The following NAE1 variants were observed in gnomAD, a reference collection of about 807,000 sequenced individuals.
NAE1 encodes NEDD8 activating enzyme E1 subunit 1, also known as NEDD8-activating enzyme E1 regulatory subunit.
Under a neutral mutation model 88.0 loss-of-function variants are expected in NAE1, and 59 were observed. The ratio of observed to expected loss-of-function variants is 0.67; its 90% CI spans 0.54 to 0.83. The LOEUF (loss-of-function observed/expected upper bound fraction) is 0.83, where lower values mean the gene tolerates loss of function less well. NAE1 is among the 40% of genes least tolerant of loss of function. NAE1 has a pLI of 0.00. For synonymous variants in NAE1, 186 were observed against 208.9 expected (o/e 0.89, Z 0.95); for missense variants, 554 against 632.8 (o/e 0.88, Z 1.34).
At chr16:66,829,710 T>C (rs1960614703) in intron 1 of NAE1, among the ~76,000 whole-genome samples, 1 of 152,056 alleles carries the variant, frequency 6.6e-6, no homozygotes, top group Non-Finnish European at 1.5e-5. Flanking sequence ...AAATAAGGAA[T>C]GGGTAGTGCA....
In NAE1 at chr16:66,813,605, A is replaced by C; in HGVS notation, c.993T>G (p.Asp331Glu). Residue 331 changes from aspartate (D) to glutamate (E), a missense_variant, in exon 13 of 20, where the codon GAT becomes GAG. Asp to Glu is a conservative substitution (Grantham distance 45). Transcript: ENST00000290810. ...TATATTTGCCTGAATCTGCAATCATATCAGGAATTGTGCCTCGAACAGGTA... is the reference window on the plus strand; with the variant it reads ...TATATTTGCCTGAATCTGCAATCATCTCAGGAATTGTGCCTCGAACAGGTA... Reference protein sequence around the residue: ...GNLPVRGTIPDMIADSGKYIK... With the variant: ...GNLPVRGTIPEMIADSGKYIK... 6.2e-7 allele frequency: 1 copy of C among 1,613,976 alleles called. No homozygotes were observed.
At chr16:66,808,412 T>C (rs2145313963) in intron 17 of NAE1, 109 bp downstream of exon 17, 1 of 807,984 alleles carries the variant, frequency 1.2e-6, no homozygotes, top group Non-Finnish European at 2.0e-6. Flanking sequence ...GTAATCTGTT[T>C]ACAATGTGAA....
In NAE1 at chr16:66,823,220, A is replaced by G; in HGVS notation, c.401+7T>C. ...TAAAATAAAAACATATTAACATAAA[A>G]ATTTACCTTTCAGGAAGCTGAGTTG... is the stretch of plus-strand genomic sequence containing the variant. On this transcript the variant is annotated splice_region_variant and intron_variant, in intron 6 of 19. Transcript: ENST00000290810. 6.5e-7 allele frequency: 1 copy of G among 1,540,422 alleles called. No homozygotes were observed. Among genetic ancestry groups the G allele is most frequent in the Non-Finnish European group, 8.8e-7 (1 of 1,131,556 alleles).
Position 66,818,639 on chromosome 16 carries a change from T to C in NAE1, c.512-2A>G. On this transcript the variant is annotated splice_acceptor_variant, in intron 7 of 19. Transcript: ENST00000290810. LOFTEE classifies it high-confidence loss of function. ...CATTATCTGGATGAGATTCTATTAC[T>C]GTGAAACAAAGAATTCAAAAGGATA... 6.3e-7 allele frequency: 1 copy of C among 1,593,520 alleles called. No individual in the cohort carries two copies. The highest frequency in any genetic ancestry group is 8.5e-7 in the Non-Finnish European group (1 of 1,174,488).
rs1007469110 is a variant in NAE1 at position 66,813,861 on chromosome 16, T to C, written c.841-15A>G. ...CTGCTTGGGATCTAACAAAGGAACA[T>C]GAAACATTTACTTACACAGTATTAA... is the stretch of plus-strand genomic sequence containing the variant. On this transcript the variant is annotated splice_polypyrimidine_tract_variant and intron_variant, in intron 11 of 19. Coordinates refer to ENST00000290810, the MANE Select transcript of NAE1 (RefSeq NM_003905.4). 2 of 1,608,190 alleles carry C rather than the reference T, an allele frequency of 1.2e-6. No homozygotes were observed. Among genetic ancestry groups the C allele is most frequent in the East Asian group, 4.5e-5 (2 of 44,786 alleles).
intron 7 of NAE1, among the ~76,000 whole-genome samples, chr16:66,819,120 A>T (rs1482805901): frequency 6.6e-6 from 1 of 152,224 alleles, no homozygotes; most frequent in Non-Finnish European, 1.5e-5. Context: ...AGAAATCTTA[A>T]GTCAACTATA....
At chr16:66,811,090 C>T (rs1959780440) in intron 13 of NAE1, among the ~76,000 whole-genome samples, 4 of 152,178 alleles carry the variant, frequency 2.6e-5, no homozygotes, top group Admixed American at 2.6e-4. Flanking sequence ...TACTGAAGAA[C>T]ATGACTTATC....
In NAE1 at chr16:66,821,940, G is replaced by A. The variant is rs1960279083; in HGVS notation, c.402-381C>T. 2.6e-5 allele frequency among the ~76,000 whole-genome samples: 4 copies of A among 152,102 alleles called. No individual in the cohort carries two copies. In the South Asian group the frequency reaches 8.3e-4, roughly 31 times the overall value. On this transcript the variant is annotated intron_variant, in intron 6 of 19. Transcript: ENST00000290810. ...GCTGGAGTGCAGTGGCATGATCATG[G>A]CTCACTGCAGCCTCGACCTCCCAGG...
rs926899996 is a variant in NAE1 at position 66,804,679 on chromosome 16, A to G, written c.1495+1098T>C. Reference sequence around the variant, plus strand: ...AATGGTTCGTTTCCCCCTCAAATTCATATGTTGAAATCCTAACCCCCAGTG... The same window carrying G: ...AATGGTTCGTTTCCCCCTCAAATTCGTATGTTGAAATCCTAACCCCCAGTG... On this transcript the variant is annotated intron_variant, in intron 19 of 19. Transcript: ENST00000290810. Among the ~76,000 whole-genome samples the G allele has an allele frequency of 2.6e-5, 4 of 152,226 alleles. No individual in the cohort carries two copies. The East Asian group carries it at 7.7e-4, about 29-fold the overall frequency.
At chr16:66,814,592 C>CAAAAA (rs34053542) in intron 11 of NAE1, among the ~76,000 whole-genome samples, 1 of 113,262 alleles carries the variant, frequency 8.8e-6, no homozygotes. Flanking sequence ...GACCCTGTCT[C>CAAAAA]AAAAAAAAAA....
intron 7 of NAE1, among the ~76,000 whole-genome samples, chr16:66,819,729 T>C (rs1161000055): frequency 6.6e-6 from 1 of 152,206 alleles, no homozygotes; most frequent in Admixed American, 6.5e-5. Context: ...TTTTGGAGCA[T>C]TTCTGATTTT....
At chr16:66,827,160 G>C (rs904155563) in intron 1 of NAE1, among the ~76,000 whole-genome samples, 1 of 152,024 alleles carries the variant, frequency 6.6e-6, no homozygotes, top group East Asian at 1.9e-4. Flanking sequence ...ACAGAGTCTT[G>C]CTCTGTCACC....
At chr16:66,828,637 C>T (rs755093381) in intron 1 of NAE1, among the ~76,000 whole-genome samples, 16 of 150,470 alleles carry the variant, frequency 1.1e-4, no homozygotes, top group Non-Finnish European at 2.1e-4. Context: ...ATCATACCTG[C>T]GAACAGCCAC....
Position 66,821,434 on chromosome 16 carries a change from T to G in NAE1, c.511+16A>C. ...TAAAGCAACCAATAGTAAGCCCATA[T>G]GCTCAACAATTTTACCTGGATGTTC... is the stretch of plus-strand genomic sequence containing the variant. On this transcript the variant is annotated intron_variant, in intron 7 of 19. Transcript: ENST00000290810. 1 of 1,545,714 alleles carries G rather than the reference T, an allele frequency of 6.5e-7. No homozygotes were observed. Among genetic ancestry groups the G allele is most frequent in the Non-Finnish European group, 8.7e-7 (1 of 1,149,606 alleles).
rs1342607286 is a variant in NAE1, at chr16:66,823,318, A to G, written c.322-12T>C. On this transcript the variant is annotated splice_polypyrimidine_tract_variant and intron_variant, in intron 5 of 19. Coordinates refer to ENST00000290810, the MANE Select transcript of NAE1 (RefSeq NM_003905.4). ...AGGTTTTCTGGACTCTAAACAGGAC[A>G]GCAAAGAAAAAAACAAACAAAAAAA... 3 of 1,573,276 alleles carry G rather than the reference A, an allele frequency of 1.9e-6. No individual in the cohort carries two copies. The highest frequency in any genetic ancestry group is 2.6e-6 in the Non-Finnish European group (3 of 1,162,760).
intron 17 of NAE1, among the ~76,000 whole-genome samples, chr16:66,807,370 T>C (rs1290142793): frequency 2.6e-5 from 4 of 152,196 alleles, no homozygotes; most frequent in Non-Finnish European, 5.9e-5. Flanking sequence ...GGCAGCGCAG[T>C]GGCTCATGCG....
At chr16:66,816,894 T>C in intron 10 of NAE1, 71 bp downstream of exon 10, 1 of 1,543,828 alleles carries the variant, frequency 6.5e-7, no homozygotes, top group Admixed American at 2.3e-5. Context: ...TTAACAGAAA[T>C]CCAATAAGTA....
rs752555475 is a variant in NAE1, at chr16:66,823,596, C to T, written c.254G>A (p.Arg85Gln). 1.0e-5 allele frequency: 16 copies of T among 1,588,730 alleles called. No homozygotes were observed. The highest frequency in any genetic ancestry group is 2.2e-5 in the East Asian group (1 of 44,750). ...TAAGAATTCCATGGCAGCTTCAGCT[C>T]GGTTCTTTTTAAAAACAAAGCATTT... ...FLQRSSIGKN[R>Q]AEAAMEFLQE... is the part of the protein sequence containing the mutation. Residue 85 changes from arginine to glutamine, a missense_variant, in exon 5 of 20, where the codon CGA becomes CAA. Transcript: ENST00000290810.
At position 66,808,587 on chromosome 16, in the gene NAE1, C is replaced by A. The variant is rs139404942; in HGVS notation, c.1264G>T (p.Glu422Ter). ...CGTAACATTAAGTACAACACTATTT[C>A]ATTATCTGGATTGTCCATGCTAGAA... Reference protein sequence around the residue: ...IISSMDNPDNEIVLYLMLRAV... With the variant: ...IISSMDNPDN Residue 422 changes from glutamate to a stop codon, truncating the protein, a stop_gained, in exon 17 of 20, where the codon GAA becomes TAA. Transcript: ENST00000290810. LOFTEE classifies it high-confidence loss of function. The A allele has an allele frequency of 6.2e-7, 1 of 1,606,768 alleles. No individual in the cohort carries two copies. Among genetic ancestry groups the A allele is most frequent in the Non-Finnish European group, 8.5e-7 (1 of 1,176,304 alleles).
Sources: gnomAD v4.1 joint callset for allele counts (sites outside exome capture counted in the v4.1 genomes callset) on GRCh38, gnomAD v4.1.1 for gene constraint, MANE v1.5 for transcripts, NCBI Gene and HGNC (gene_info 2026-07-23, HGNC 2026-07-21) for gene names.